Variants in GMPPB observed in about 807,000 individuals in gnomAD.
The protein encoded by GMPPB is GDP-mannose pyrophosphorylase B.
GMPPB carries 38 observed loss-of-function variants against 40.3 expected under a neutral mutation model. That is an observed-to-expected ratio of 0.94 (90% confidence interval 0.73 to 1.24). The LOEUF is 1.24. Among genes scored for constraint, GMPPB ranks in the 50% most tolerant of loss-of-function variants. GMPPB has a pLI of 0.00. For missense variants in GMPPB, 436 were observed against 487.1 expected (o/e 0.90, Z 0.99); for synonymous variants, 193 against 191.8 (o/e 1.01, Z -0.05).
In GMPPB at chr3:49,720,454, G is replaced by A. The variant is rs576767657; in HGVS notation, c.*1298C>T. On this transcript the variant is annotated 3_prime_UTR_variant, in exon 9 of 9. Coordinates refer to ENST00000308388, the MANE Select transcript of GMPPB (RefSeq NM_021971.4). ...GCACTCCTCATTGGCAATCCCAAGAGAGACTTTTAGCCAGGCCCCAAGCCT... is the reference window on the plus strand; with the variant it reads ...GCACTCCTCATTGGCAATCCCAAGAAAGACTTTTAGCCAGGCCCCAAGCCT... 6.7e-7 allele frequency: 1 copy of A among 1,494,944 alleles called. No homozygotes were observed. Among genetic ancestry groups the A allele is most frequent in the Non-Finnish European group, 8.9e-7 (1 of 1,120,920 alleles). The allele number at this position is 1,494,944 out of a possible 1,614,324, so 92.6% of individuals were successfully genotyped here.
rs2080357757 is a variant in GMPPB, at chr3:49,719,944, G to C, written c.*1808C>G. On this transcript the variant is annotated 3_prime_UTR_variant, in exon 9 of 9. Coordinates refer to ENST00000308388, the MANE Select transcript of GMPPB (RefSeq NM_021971.4). ...AAGCTGCTGTTAGTGTTTATTTGAA[G>C]TGACTTTGAAGGACTGATAATATTA... The C allele has an allele frequency of 5.9e-6, 1 of 170,290 alleles. No individual in the cohort carries two copies. Among genetic ancestry groups the C allele is most frequent in the Admixed American group, 5.4e-5 (1 of 18,402 alleles). The allele number at this position is 170,290 out of a possible 1,614,324, so 10.5% of individuals were successfully genotyped here.
rs1553691961 is a variant in GMPPB at position 49,722,952 on chromosome 3, GAGA to G, written c.402+17_402+19del. ...CATGGAGGGTGAAAGTGTCAAGAGA[GAGA>G]AGACCTGGCGCCTTACCAGGATGGA... On this transcript the variant is annotated intron_variant, in intron 4 of 8. Coordinates refer to ENST00000308388, the MANE Select transcript of GMPPB (RefSeq NM_021971.4). The G allele has an allele frequency of 6.2e-7, 1 of 1,611,524 alleles. No homozygotes were observed. The highest frequency in any genetic ancestry group is 1.1e-5 in the South Asian group (1 of 90,772).
At chr3:49,723,161 T>C (rs1024800064) in intron 3 of GMPPB, 47 bp from the exon 4 acceptor site, 3 of 1,611,804 alleles carry the variant, frequency 1.9e-6, no homozygotes, top group Non-Finnish European at 2.5e-6. Flanking sequence ...TCTGAGTCCC[T>C]GGATTCAGGC....
chr3:49,721,649 C>T lies in GMPPB; in HGVS notation c.*103G>A. The T allele has an allele frequency of 3.5e-6, 4 of 1,136,034 alleles. No individual in the cohort carries two copies. In the South Asian group the frequency reaches 5.6e-5, roughly 16 times the overall value. 70.4% of individuals were successfully genotyped at this position (1,136,034 alleles called of 1,614,324 possible). A position where few individuals can be genotyped will look rare whatever the true frequency, so the allele number is the denominator to read the frequency against. Reference sequence around the variant, plus strand: ...CAACAGCTTCAGCTTCACCCAGTGCCCCCCAGACAAATAATGACAAGTCCA... The same window carrying T: ...CAACAGCTTCAGCTTCACCCAGTGCTCCCCAGACAAATAATGACAAGTCCA... On this transcript the variant is annotated 3_prime_UTR_variant, in exon 9 of 9. Transcript: ENST00000308388.
At position 49,722,475 on chromosome 3, in the gene GMPPB, G is replaced by A; in HGVS notation, c.597C>T (p.Pro199=). 4 of 1,614,164 alleles carry A rather than the reference G, an allele frequency of 2.5e-6. No homozygotes were observed. The highest frequency in any genetic ancestry group is 3.4e-6 in the Non-Finnish European group (4 of 1,180,028). The change falls in exon 6 of 9, where the codon CCC becomes CCT. Residue 199 remains proline (P), a synonymous_variant. Transcript: ENST00000308388. ...QPTSIEKEVF[P]IMAKEGQLYA... ...ATAGCTGCCCCTCCTTGGCCATAATGGGGAAGACCTCCTTCTCAATGGACG... is the reference window on the plus strand; with the variant it reads ...ATAGCTGCCCCTCCTTGGCCATAATAGGGAAGACCTCCTTCTCAATGGACG...
In GMPPB at chr3:49,723,891, G is replaced by A. The variant is rs1217335365; in HGVS notation, c.-165C>T. ...CGTCCGCCCGGTCGCCCTGACGCCGGATCCAGGGCCGCCACAACACAGAAC... is the reference window on the plus strand; with the variant it reads ...CGTCCGCCCGGTCGCCCTGACGCCGAATCCAGGGCCGCCACAACACAGAAC... On this transcript the variant is annotated 5_prime_UTR_variant, in exon 1 of 9. Transcript: ENST00000308388. The A allele has an allele frequency of 1.4e-6, 1 of 732,568 alleles. No homozygotes were observed. Among genetic ancestry groups the A allele is most frequent in the African/African-American group, 1.8e-5 (1 of 55,000 alleles). The allele number at this position is 732,568 out of a possible 1,614,324, so 45.4% of individuals were successfully genotyped here.
Position 49,720,413 on chromosome 3 carries a change from T to C in GMPPB, c.*1339A>G. 8.0e-7 allele frequency: 1 copy of C among 1,242,770 alleles called. No homozygotes were observed. Among genetic ancestry groups the C allele is most frequent in the Non-Finnish European group, 1.1e-6 (1 of 931,248 alleles). 77.0% of individuals were successfully genotyped at this position (1,242,770 alleles called of 1,614,324 possible). On this transcript the variant is annotated 3_prime_UTR_variant, in exon 9 of 9. Coordinates refer to ENST00000308388, the MANE Select transcript of GMPPB (RefSeq NM_021971.4). ...GACGGAAAGGATGCAGGGGGGGTGATCATGTACGAGCCATGGCACTCCTCA... is the reference window on the plus strand; with the variant it reads ...GACGGAAAGGATGCAGGGGGGGTGACCATGTACGAGCCATGGCACTCCTCA...
intron 4 of GMPPB, 86 bp from the exon 5 acceptor site, chr3:49,722,840 C>G (rs1428911243): frequency 7.9e-6 from 12 of 1,521,362 alleles, no homozygotes; most frequent in African/African-American, 2.8e-5. Context: ...AGAGACTCTG[C>G]CCCAAGTGCT....
rs1449049728 is a variant in GMPPB at position 49,721,095 on chromosome 3, A to G, written c.*657T>C. On this transcript the variant is annotated 3_prime_UTR_variant, in exon 9 of 9. Transcript: ENST00000308388. ...TGCTGTGTTCCAGCCCTGTGGCCACAAGTCCTGCAAGTAAGTGGGCCCCAC... is the reference window on the plus strand; with the variant it reads ...TGCTGTGTTCCAGCCCTGTGGCCACGAGTCCTGCAAGTAAGTGGGCCCCAC... 1.2e-6 allele frequency: 2 copies of G among 1,613,780 alleles called. No individual in the cohort carries two copies. Among genetic ancestry groups the G allele is most frequent in the Non-Finnish European group, 1.7e-6 (2 of 1,179,890 alleles).
rs2080465520 is a variant in GMPPB at position 49,723,948 on chromosome 3, A to G, written c.-222T>C. The G allele has an allele frequency of 2.2e-6, 1 of 452,444 alleles. No homozygotes were observed. The highest frequency in any genetic ancestry group is 2.1e-5 in the African/African-American group (1 of 48,638). The allele number at this position is 452,444 out of a possible 1,614,324, so 28.0% of individuals were successfully genotyped here. ...CCGGGTAGACGGCTGCTGGCCCCGAACTCAGGCCGGACCCGGCGCGGGCAG... is the reference window on the plus strand; with the variant it reads ...CCGGGTAGACGGCTGCTGGCCCCGAGCTCAGGCCGGACCCGGCGCGGGCAG... On this transcript the variant is annotated 5_prime_UTR_variant, in exon 1 of 9. Transcript: ENST00000308388.
At chr3:49,722,903 G>T in intron 4 of GMPPB, 69 bp downstream of exon 4, 1 of 1,564,378 alleles carries the variant, frequency 6.4e-7, no homozygotes, top group Non-Finnish European at 8.8e-7. Flanking sequence ...GGCAGATGAA[G>T]GCTAGGGGGC....
At position 49,720,928 on chromosome 3, in the gene GMPPB, C is replaced by T. The variant is rs1034093561; in HGVS notation, c.*824G>A. On this transcript the variant is annotated 3_prime_UTR_variant, in exon 9 of 9. Coordinates refer to ENST00000308388, the MANE Select transcript of GMPPB (RefSeq NM_021971.4). ...GAACACGGTGCACAGGTCCATGCCACTTGAATATGTGTGCACTCCTACACA... is the reference window on the plus strand; with the variant it reads ...GAACACGGTGCACAGGTCCATGCCATTTGAATATGTGTGCACTCCTACACA... The T allele has an allele frequency of 6.2e-7, 1 of 1,612,310 alleles. No individual in the cohort carries two copies. Among genetic ancestry groups the T allele is most frequent in the Non-Finnish European group, 8.5e-7 (1 of 1,178,418 alleles).
In GMPPB at chr3:49,721,517, A is replaced by G. The variant is rs771004770; in HGVS notation, c.*235T>C. 3.4e-5 allele frequency: 28 copies of G among 827,220 alleles called. No individual in the cohort carries two copies. The highest frequency in any genetic ancestry group is 3.3e-4 in the South Asian group (24 of 72,074). 51.2% of individuals were successfully genotyped at this position (827,220 alleles called of 1,614,324 possible). ...TCAGGGCCACAGTGAGCATTAAATTATTATTCCATACAGCCCTGGCCCTGG... is the reference window on the plus strand; with the variant it reads ...TCAGGGCCACAGTGAGCATTAAATTGTTATTCCATACAGCCCTGGCCCTGG... On this transcript the variant is annotated 3_prime_UTR_variant, in exon 9 of 9. Transcript: ENST00000308388.
Position 49,720,794 on chromosome 3 carries a change from C to G in GMPPB, c.*958G>C, listed in dbSNP as rs762312665. The G allele has an allele frequency of 5.6e-6, 9 of 1,614,016 alleles. No individual in the cohort carries two copies. The East Asian group carries it at 2.0e-4, about 36-fold the overall frequency. On this transcript the variant is annotated 3_prime_UTR_variant, in exon 9 of 9. Coordinates refer to ENST00000308388, the MANE Select transcript of GMPPB (RefSeq NM_021971.4). Reference sequence around the variant, plus strand: ...CTCTGACTTGACACTACCTACCACTCCCCAGATGCGGATTATATCAGTGCC... The same window carrying G: ...CTCTGACTTGACACTACCTACCACTGCCCAGATGCGGATTATATCAGTGCC...
rs1406528578 is a variant in GMPPB at position 49,723,717 on chromosome 3, G to A, written c.10C>T (p.Leu4=). 5 of 1,589,626 alleles carry A rather than the reference G, an allele frequency of 3.1e-6. No individual in the cohort carries two copies. The highest frequency in any genetic ancestry group is 4.3e-6 in the Non-Finnish European group (5 of 1,171,116). The part of the protein sequence containing the change: MKA[L]ILVGGYGTRL... The stretch of plus-strand genomic sequence containing the variant: ...GTCCCATAGCCCCCCACTAAGATCA[G>A]TGCCTTCATCGCGCCTGCGGACGTT... Residue 4 remains leucine, a synonymous_variant, in exon 1 of 9, where the codon CTG becomes TTG. Coordinates refer to ENST00000308388, the MANE Select transcript of GMPPB (RefSeq NM_021971.4).
chr3:49,722,898 A>G (rs1269370797), intron 4 of GMPPB, 74 bp downstream of exon 4: 9 of 1,553,434 alleles, frequency 5.8e-6, no homozygotes, highest in Non-Finnish European at 7.9e-6. Flanking sequence ...CCGAAGGCAG[A>G]TGAAGGCTAG....
chr3:49,723,592 T>A lies in GMPPB; in HGVS notation c.129+6A>T. On this transcript the variant is annotated splice_donor_region_variant and intron_variant, in intron 1 of 8. Transcript: ENST00000308388. ...ACGCGACTCTGATCCCGACCCAGGGTCTTACCGCGGCTAGCGCCTCCACTT... is the reference window on the plus strand; with the variant it reads ...ACGCGACTCTGATCCCGACCCAGGGACTTACCGCGGCTAGCGCCTCCACTT... The A allele has an allele frequency of 6.3e-7, 1 of 1,595,820 alleles. No individual in the cohort carries two copies. Among genetic ancestry groups the A allele is most frequent in the Non-Finnish European group, 8.5e-7 (1 of 1,169,670 alleles).
At position 49,720,582 on chromosome 3, in the gene GMPPB, G is replaced by A; in HGVS notation, c.*1170C>T. The A allele has an allele frequency of 1.9e-6, 3 of 1,612,088 alleles. No homozygotes were observed. The highest frequency in any genetic ancestry group is 2.5e-6 in the Non-Finnish European group (3 of 1,178,848). ...CTACGCTCAATATGCTATCTCCTGGGACAGCCAGAGCCCCCAGCACCTGGC... is the reference window on the plus strand; with the variant it reads ...CTACGCTCAATATGCTATCTCCTGGAACAGCCAGAGCCCCCAGCACCTGGC... On this transcript the variant is annotated 3_prime_UTR_variant, in exon 9 of 9. Coordinates refer to ENST00000308388, the MANE Select transcript of GMPPB (RefSeq NM_021971.4).
In GMPPB at chr3:49,723,243, C is replaced by T; in HGVS notation, c.259+11G>A. The T allele has an allele frequency of 6.2e-7, 1 of 1,614,026 alleles. No individual in the cohort carries two copies. The highest frequency in any genetic ancestry group is 8.5e-7 in the Non-Finnish European group (1 of 1,179,926). ...AACCCTCCCCCAAGGGACCTTTCTG[C>T]CTCTACTGACCTGTCCCCAAAGGCT... On this transcript the variant is annotated intron_variant, in intron 3 of 8. Transcript: ENST00000308388.
Sources: gnomAD v4.1 joint callset for allele counts on GRCh38, gnomAD v4.1.1 for gene constraint, MANE v1.5 for transcripts, NCBI Gene and HGNC (gene_info 2026-07-23, HGNC 2026-07-21) for gene names.